Variants in TPTE2 observed in about 807,000 individuals in gnomAD.
TPTE2 encodes the protein transmembrane phosphoinositide 3-phosphatase and tensin homolog 2, also known as phosphatidylinositol 3,4,5-trisphosphate 3-phosphatase TPTE2.
In TPTE2, 53 loss-of-function variants were observed where a neutral mutation model predicts 78.6. The observed-to-expected ratio is 0.67, with a 90% CI of 0.54 to 0.85. The LOEUF is 0.85. Ranked by LOEUF, TPTE2 falls within the 40% of genes least tolerant of loss-of-function variation. TPTE2 has a pLI of 0.00. For missense variants in TPTE2, 461 were observed against 623.0 expected (o/e 0.74, Z 2.77); for synonymous variants, 175 against 206.2 (o/e 0.85, Z 1.30).
chr13:19,445,953 A>AAAAAACAT (rs1877804942), intron 13 of TPTE2, among the ~76,000 whole-genome samples: 1 of 152,232 alleles, frequency 6.6e-6, no homozygotes, highest in African/African-American at 2.4e-5. Context: ...AACAAAAAAC[A>AAAAAACAT]AAAAACATAA....
intron 1 of TPTE2, 135 bp downstream of exon 4, chr13:19,503,089 T>G: frequency 8.1e-7 from 1 of 1,237,774 alleles, no homozygotes; most frequent in Non-Finnish European, 1.2e-6. Context: ...GGTTAGTGGA[T>G]GTGTTTGGGA....
intron 3 of TPTE2, among the ~76,000 whole-genome samples, chr13:19,491,275 T>C (rs911422735): frequency 1.9e-4 from 29 of 152,340 alleles, no homozygotes; most frequent in Non-Finnish European, 3.7e-4. Flanking sequence ...CTGAAGACAG[T>C]GCTGATGGAG....
At chr13:19,456,406 GC>G (rs374457801) in intron 10 of TPTE2, among the ~76,000 whole-genome samples, 265 of 152,258 alleles carry the variant, frequency 1.7e-3, no homozygotes, top group African/African-American at 6.1e-3. Context: ...AAATGCTTGA[GC>G]CCAGGTGCCA....
At chr13:19,502,833 C>T (rs1323887494) in intron 1 of TPTE2, among the ~76,000 whole-genome samples, 1 of 151,152 alleles carries the variant, frequency 6.6e-6, no homozygotes, top group African/African-American at 2.4e-5. Context: ...AAATAAATCT[C>T]TCTTGTTGAA....
At chr13:19,557,636 C>T in the TPTE2 span, among the ~76,000 whole-genome samples, 534 of 152,300 alleles carry the variant, frequency 3.5e-3, 20 homozygotes, top group East Asian at 0.072. Flanking sequence ...AGTCTCTCGA[C>T]GCCTTCCCAG....
chr13:19,501,368 A>G (rs1868536297), intron 1 of TPTE2, among the ~76,000 whole-genome samples: 1 of 127,144 alleles, frequency 7.9e-6, no homozygotes, highest in South Asian at 3.0e-4. Context: ...AAAAGAACAA[A>G]GCTGGAGGCA....
chr13:19,500,911 C>T (rs1384715564), intron 1 of TPTE2, among the ~76,000 whole-genome samples: 1 of 144,528 alleles, frequency 6.9e-6, no homozygotes, highest in Non-Finnish European at 1.5e-5. Context: ...CCCATTGTCT[C>T]AGCCCAAAAT....
At chr13:19,442,249 C>G (rs185104260) in intron 13 of TPTE2, among the ~76,000 whole-genome samples, 254 of 151,006 alleles carry the variant, frequency 1.7e-3, no homozygotes, top group Non-Finnish European at 2.9e-3. Context: ...GTGTCCACAA[C>G]AAAATGTAAT....
chr13:19,485,381 C>T (rs918283673), intron 3 of TPTE2, among the ~76,000 whole-genome samples: 7 of 151,972 alleles, frequency 4.6e-5, no homozygotes, highest in African/African-American at 1.7e-4. Flanking sequence ...TATATCATCC[C>T]ATTCTCTTCT....
chr13:19,527,657 T>C (rs1254245118), intron 1 of TPTE2, among the ~76,000 whole-genome samples: 5 of 151,874 alleles, frequency 3.3e-5, no homozygotes, highest in Admixed American at 1.3e-4. Flanking sequence ...GGCACATCAC[T>C]TGAGCTCAAG....
intron 1 of TPTE2, 136 bp from the exon 5 acceptor site, chr13:19,493,637 T>C: frequency 1.2e-6 from 1 of 803,202 alleles, no homozygotes; most frequent in South Asian, 1.4e-5. Flanking sequence ...TATTGGAACC[T>C]GGAATGTCTA....
rs745435268 is a variant in TPTE2, at chr13:19,451,216, G to A, written c.751C>T (p.Arg251Trp). The A allele has an allele frequency of 2.0e-4, 330 of 1,613,158 alleles. No individual in the cohort carries two copies. Among genetic ancestry groups the A allele is most frequent in the Non-Finnish European group, 2.5e-4 (297 of 1,179,548 alleles). The change falls in exon 11 of 20, where the codon CGG becomes TGG. Residue 251 changes from arginine (R) to tryptophan (W), a missense_variant. Physicochemically the swap from Arg to Trp is moderately radical, Grantham distance 101. Transcript: ENST00000400230. Reference sequence around the variant, plus strand: ...TTTCGATGTTTCTTATCTAGAAACCGCACAACTTCCTAAAAAAGACAAACA... The same window carrying A: ...TTTCGATGTTTCTTATCTAGAAACCACACAACTTCCTAAAAAAGACAAACA...
intron 19 of TPTE2, among the ~76,000 whole-genome samples, chr13:19,423,793 T>C (rs1439196789): frequency 6.6e-6 from 1 of 152,214 alleles, no homozygotes; most frequent in Non-Finnish European, 1.5e-5. Flanking sequence ...AAAAGTGATC[T>C]AGCTTATCAC....
At chr13:19,537,511 G>A (rs1566082127), upstream of TPTE2, among the ~76,000 whole-genome samples, 2 of 151,774 alleles carry the variant, frequency 1.3e-5, no homozygotes, top group South Asian at 4.2e-4. Context: ...GGGATTACAG[G>A]CGTGAGCCAC....
At chr13:19,479,878 G>A (rs1326257514) in intron 4 of TPTE2, among the ~76,000 whole-genome samples, 7 of 151,450 alleles carry the variant, frequency 4.6e-5, no homozygotes, top group Admixed American at 6.6e-5. Context: ...CAGGAGAATC[G>A]CTTGAACCTG....
chr13:19,498,245 C>T (rs1424894299), intron 1 of TPTE2, among the ~76,000 whole-genome samples: 2 of 152,050 alleles, frequency 1.3e-5, no homozygotes, highest in Admixed American at 1.3e-4. Context: ...TCCAGGAGAA[C>T]TTCCCCAATC....
chr13:19,488,038 G>A (rs1397402717), intron 3 of TPTE2, among the ~76,000 whole-genome samples: 1 of 152,156 alleles, frequency 6.6e-6, no homozygotes, highest in Non-Finnish European at 1.5e-5. Flanking sequence ...ATCCAGATGG[G>A]GCAGAAGGGG....
intron 1 of TPTE2, among the ~76,000 whole-genome samples, chr13:19,530,673 T>C (rs949865472): frequency 2.0e-5 from 3 of 152,006 alleles, no homozygotes; most frequent in Non-Finnish European, 2.9e-5. Context: ...GCCTCCTGAG[T>C]AGCTGGGACC....
chr13:19,497,175 A>G (rs1390147980), intron 1 of TPTE2, among the ~76,000 whole-genome samples: 2 of 151,546 alleles, frequency 1.3e-5, no homozygotes, highest in African/African-American at 2.4e-5. Context: ...GCTGATTGCT[A>G]GCACAGCAGT....
Sources: gnomAD v4.1 joint callset for allele counts (sites outside exome capture counted in the v4.1 genomes callset) on GRCh38, gnomAD v4.1.1 for gene constraint, MANE v1.5 for transcripts, NCBI Gene and HGNC (gene_info 2026-07-23, HGNC 2026-07-21) for gene names.